Variants in PCDH15 observed in about 807,000 individuals in gnomAD.
PCDH15 encodes the protein protocadherin related 15, also known as protocadherin-15.
Under a neutral mutation model 178.5 loss-of-function variants are expected in PCDH15, and 129 were observed. That is an observed-to-expected ratio of 0.72 (90% CI 0.63 to 0.84). The LOEUF is 0.84. Among genes scored for constraint, PCDH15 ranks in the 40% least tolerant of loss-of-function variants. PCDH15 has a pLI of 0.00. For synonymous variants in PCDH15, 800 were observed against 732.0 expected (o/e 1.09, Z -1.50); for missense variants, 2,230 against 2,099.9 (o/e 1.06, Z -1.21).
intron 5 of PCDH15, among the ~76,000 whole-genome samples, chr10:54,357,201 G>C (rs1176485772): frequency 1.3e-5 from 2 of 152,078 alleles, no homozygotes; most frequent in African/African-American, 2.4e-5. Context: ...TATTCAATTA[G>C]GAAAAGAGGA....
At chr10:55,437,088 C>G (rs7913053) in intron 2 of PCDH15, among the ~76,000 whole-genome samples, 116,991 of 152,126 alleles carry the variant, frequency 0.77, 46,289 homozygotes, top group East Asian at 1. Flanking sequence ...AAAGCGATGA[C>G]TATAATGATG....
chr10:54,846,595 T>G (rs1365529864), intron 3 of PCDH15, among the ~76,000 whole-genome samples: 1 of 152,196 alleles, frequency 6.6e-6, no homozygotes, highest in Non-Finnish European at 1.5e-5. Flanking sequence ...GAAAAAAATC[T>G]ACCTTTTCTT....
intron 1 of PCDH15, among the ~76,000 whole-genome samples, chr10:55,292,254 A>G (rs1843025453): frequency 6.6e-6 from 1 of 152,250 alleles, no homozygotes; most frequent in African/African-American, 2.4e-5. Flanking sequence ...CAATGAGGTA[A>G]CAGGCATTTG....
intron 9 of PCDH15, among the ~76,000 whole-genome samples, chr10:54,220,215 T>C (rs1283362063): frequency 6.6e-6 from 1 of 152,220 alleles, no homozygotes; most frequent in Non-Finnish European, 1.5e-5. Flanking sequence ...TTACTAGCTG[T>C]TAACTAGTTA....
At chr10:54,305,992 G>A (rs1280271981) in intron 8 of PCDH15, among the ~76,000 whole-genome samples, 1 of 151,992 alleles carries the variant, frequency 6.6e-6, no homozygotes, top group East Asian at 1.9e-4. Flanking sequence ...TCATGGTAGA[G>A]GAAGACACTT....
rs1020265622 is a variant in PCDH15, at chr10:53,820,232, T to TGAA, written c.4368-5_4368-3dup. The TGAA allele has an allele frequency of 1.2e-4, 46 of 397,512 alleles. 1 individual carries two copies. Among genetic ancestry groups the TGAA allele is most frequent in the Non-Finnish European group, 1.9e-4 (43 of 225,420 alleles). 24.6% of individuals were successfully genotyped at this position (397,512 alleles called of 1,614,324 possible). On this transcript the variant is annotated splice_polypyrimidine_tract_variant and splice_region_variant and intron_variant, in intron 32 of 37. Coordinates refer to ENST00000644397, the MANE Select transcript of PCDH15 (RefSeq NM_001384140.1). ...ACCAGCTGCCAACAAAAACTCCAAC[T>TGAA]GAAGTTTTTCAGTGAAAGAAAGAAA...
In PCDH15 at chr10:54,771,580, C is replaced by T. The variant is rs375892863; in HGVS notation, c.-29+29345G>A. ...ATCATTAGGCTTGAATTGGTTCAGA[C>T]GTCATGAAAAATTTTGCATGCTAGT... On this transcript the variant is annotated intron_variant, in intron 1 of 37. Coordinates refer to ENST00000644397, the MANE Select transcript of PCDH15 (RefSeq NM_001384140.1). Among the ~76,000 whole-genome samples, 26 of 152,062 alleles carry T rather than the reference C, an allele frequency of 1.7e-4. No individual in the cohort carries two copies. The East Asian group carries it at 4.5e-3, about 26-fold the overall frequency.
At chr10:54,500,264 A>T (rs2137391254) in intron 3 of PCDH15, among the ~76,000 whole-genome samples, 2 of 152,212 alleles carry the variant, frequency 1.3e-5, no homozygotes, top group Non-Finnish European at 1.5e-5. Flanking sequence ...AAGGACACAA[A>T]GATGGGAACA....
chr10:55,311,886 G>A (rs1448238612), intron 1 of PCDH15, among the ~76,000 whole-genome samples: 1 of 152,192 alleles, frequency 6.6e-6, no homozygotes, highest in Non-Finnish European at 1.5e-5. Context: ...GATCTTAGAT[G>A]CAGAACTCAA....
chr10:54,504,779 G>A (rs2081027465), intron 3 of PCDH15, among the ~76,000 whole-genome samples: 2 of 151,996 alleles, frequency 1.3e-5, no homozygotes, highest in Admixed American at 1.3e-4. Flanking sequence ...AGGTACAGAG[G>A]AGAAAGATCT....
chr10:54,509,762 G>C (rs1164391610), intron 3 of PCDH15, among the ~76,000 whole-genome samples: 1 of 152,066 alleles, frequency 6.6e-6, no homozygotes, highest in Non-Finnish European at 1.5e-5. Context: ...TGAAAACTCA[G>C]TGCCAACAAA....
chr10:54,789,735 T>C (rs973670085), intron 1 of PCDH15, among the ~76,000 whole-genome samples: 3 of 151,922 alleles, frequency 2.0e-5, no homozygotes, highest in African/African-American at 7.2e-5. Context: ...AGATTTTAGA[T>C]TGACCAAAGT....
intron 1 of PCDH15, among the ~76,000 whole-genome samples, chr10:55,291,377 T>G (rs191647870): frequency 1.6e-3 from 250 of 152,342 alleles, no homozygotes; most frequent in Non-Finnish European, 2.3e-3. Flanking sequence ...AGCTTGTTTA[T>G]CAGCATTCTA....
intron 9 of PCDH15, among the ~76,000 whole-genome samples, chr10:54,217,912 CT>C (rs201141699): frequency 6.6e-6 from 1 of 151,578 alleles, no homozygotes; most frequent in African/African-American, 2.4e-5. Flanking sequence ...AGCCAAAAGG[CT>C]TTTTTTTGTT....
intron 3 of PCDH15, among the ~76,000 whole-genome samples, chr10:54,506,536 T>C (rs1199856651): frequency 6.6e-6 from 1 of 152,050 alleles, no homozygotes; most frequent in African/African-American, 2.4e-5. Context: ...AACATAGAGC[T>C]TGAATCATGT....
At chr10:54,099,128 G>A (rs761524396) in intron 15 of PCDH15, among the ~76,000 whole-genome samples, 36 of 152,068 alleles carry the variant, frequency 2.4e-4, no homozygotes, top group Non-Finnish European at 5.0e-4. Flanking sequence ...TCCGGACACA[G>A]GCAAACAGTG....
intron 9 of PCDH15, among the ~76,000 whole-genome samples, chr10:54,234,240 C>A (rs1591332560): frequency 6.7e-6 from 1 of 149,712 alleles, no homozygotes; most frequent in Non-Finnish European, 1.5e-5. Context: ...AGGTAACATG[C>A]CTTATTTTCC....
intron 2 of PCDH15, among the ~76,000 whole-genome samples, chr10:54,635,482 A>G (rs1332635343): frequency 6.6e-6 from 1 of 151,824 alleles, no homozygotes; most frequent in Admixed American, 6.6e-5. Context: ...GTATTCTACC[A>G]GAGTTCTATT....
intron 17 of PCDH15, among the ~76,000 whole-genome samples, chr10:54,067,318 C>T (rs1427147940): frequency 1.3e-5 from 2 of 152,138 alleles, no homozygotes; most frequent in Non-Finnish European, 2.9e-5. Context: ...TAGCATGGTA[C>T]ATCAAATGAG....
Sources: gnomAD v4.1 joint callset for allele counts (sites outside exome capture counted in the v4.1 genomes callset) on GRCh38, gnomAD v4.1.1 for gene constraint, MANE v1.5 for transcripts, NCBI Gene and HGNC (gene_info 2026-07-23, HGNC 2026-07-21) for gene names.